DLAT: variants seen among roughly 807,000 people sequenced by gnomAD.
DLAT encodes the protein dihydrolipoyllysine-residue acetyltransferase component of pyruvate dehydrogenase complex, mitochondrial.
In DLAT, 43 loss-of-function variants were observed where a neutral mutation model predicts 68.0. The observed-to-expected ratio is 0.63, with a 90% CI of 0.50 to 0.81. The LOEUF (loss-of-function observed/expected upper bound fraction) is 0.81, where lower values mean the gene tolerates loss of function less well. Among genes scored for constraint, DLAT ranks in the 40% least tolerant of loss-of-function variants. DLAT has a pLI of 0.00. For synonymous variants in DLAT, 265 were observed against 288.6 expected (o/e 0.92, Z 0.83); for missense variants, 745 against 815.4 (o/e 0.91, Z 1.05).
At chr11:112,043,634 T>C in intron 8 of DLAT, 101 bp downstream of exon 8, 1 of 1,104,810 alleles carries the variant, frequency 9.1e-7, no homozygotes, top group Non-Finnish European at 1.4e-6. Context: ...ACCAAGATTG[T>C]TTTCTTCTAA....
Position 112,027,043 on chromosome 11 carries a change from A to AC in DLAT, c.381+749dup, listed in dbSNP as rs1457756720. On this transcript the variant is annotated intron_variant, in intron 2 of 13. Coordinates refer to ENST00000280346, the MANE Select transcript of DLAT (RefSeq NM_001931.5). ...GGGGCGGCTGGCCTGGCGGGGGCTG[A>AC]CCCCCACCTCCCTCCCGGACGGGGT... Among the ~76,000 whole-genome samples, 12 of 138,016 alleles carry AC rather than the reference A, an allele frequency of 8.7e-5. 1 individual carries two copies. The South Asian group carries it at 1.9e-3, about 21-fold the overall frequency. The allele number at this position is 138,016 out of a possible 152,430, so 90.5% of individuals were successfully genotyped here. A position where few individuals can be genotyped will look rare whatever the true frequency, so the allele number is the denominator to read the frequency against.
chr11:112,060,916 C>G, intron 12 of DLAT, 122 bp from the exon 13 acceptor site: 2 of 777,630 alleles, frequency 2.6e-6, no homozygotes. Context: ...AATGTGTATT[C>G]CATTCAGGCC....
intron 1 of DLAT, 53 bp downstream of exon 1, chr11:112,025,804 G>T: frequency 6.2e-7 from 1 of 1,605,990 alleles, no homozygotes; most frequent in Non-Finnish European, 8.5e-7. Context: ...GAGCTGACTG[G>T]ATGCCTGCAA....
rs149883921 is a variant in DLAT, at chr11:112,063,417, A to C, written c.*882A>C. ...CCACTGTGGAAAATGCTATCAAATA[A>C]CTAAGGAATATATATGGAATAAGTG... On this transcript the variant is annotated 3_prime_UTR_variant, in exon 14 of 14. Coordinates refer to ENST00000280346, the MANE Select transcript of DLAT (RefSeq NM_001931.5). The C allele has an allele frequency of 6.5e-6, 1 of 152,716 alleles. No individual in the cohort carries two copies. The highest frequency in any genetic ancestry group is 2.4e-5 in the African/African-American group (1 of 41,588). The allele number at this position is 152,716 out of a possible 1,614,324, so 9.5% of individuals were successfully genotyped here.
At chr11:112,061,427 G>A (rs1864616989) in intron 13 of DLAT, 1 of 437,608 alleles carries the variant, frequency 2.3e-6, no homozygotes, top group Non-Finnish European at 4.1e-6. Flanking sequence ...GTAGTGCCCG[G>A]TGTGCAGCAA....
In DLAT at chr11:112,039,399, TA is replaced by T. The variant is rs782566151; in HGVS notation, c.1129+5del. On this transcript the variant is annotated splice_donor_region_variant and intron_variant, in intron 7 of 13. Transcript: ENST00000280346. Reference sequence around the variant, plus strand: ...GGATTGATCTTACACAAGTAAAAGGTAAATCTGTTTCTATAGAATGGACTTT... The same window carrying T: ...GGATTGATCTTACACAAGTAAAAGGTAATCTGTTTCTATAGAATGGACTTT... 6.2e-7 allele frequency: 1 copy of T among 1,613,846 alleles called. No homozygotes were observed. Among genetic ancestry groups the T allele is most frequent in the African/African-American group, 1.3e-5 (1 of 74,940 alleles).
intron 4 of DLAT, 48 bp from the exon 5 acceptor site, chr11:112,033,356 G>A (rs1366517702): frequency 6.2e-7 from 1 of 1,602,606 alleles, no homozygotes. Flanking sequence ...CTTTTATTAT[G>A]TAGAAGTCTT....
chr11:112,044,861 C>T (rs1213809801), intron 8 of DLAT, among the ~76,000 whole-genome samples: 2 of 151,968 alleles, frequency 1.3e-5, no homozygotes, highest in Non-Finnish European at 2.9e-5. Flanking sequence ...GGCTAATTTC[C>T]GTCTCTACTA....
chr11:112,028,140 C>A (rs74501988), intron 2 of DLAT, among the ~76,000 whole-genome samples: 1 of 152,116 alleles, frequency 6.6e-6, no homozygotes, highest in African/African-American at 2.4e-5. Context: ...TTAACCAAGG[C>A]GTTTCTAAAG....
At chr11:112,043,172 A>G (rs1185000358) in intron 7 of DLAT, among the ~76,000 whole-genome samples, 6 of 152,244 alleles carry the variant, frequency 3.9e-5, no homozygotes, top group African/African-American at 1.4e-4. Context: ...AAAAAAATTA[A>G]GTACAACTTG....
At chr11:112,047,766 G>T (rs1476798055) in intron 10 of DLAT, among the ~76,000 whole-genome samples, 2 of 152,176 alleles carry the variant, frequency 1.3e-5, no homozygotes, top group African/African-American at 2.4e-5. Flanking sequence ...TCAAAAATCA[G>T]ATGGTTGTAA....
chr11:112,034,627 A>G (rs1225735073), intron 5 of DLAT, among the ~76,000 whole-genome samples: 3 of 151,014 alleles, frequency 2.0e-5, no homozygotes, highest in African/African-American at 7.3e-5. Context: ...TATTTTTAGT[A>G]GAGATGGGGT....
At chr11:112,025,783 G>C in intron 1 of DLAT, 32 bp downstream of exon 1, 1 of 1,611,798 alleles carries the variant, frequency 6.2e-7, no homozygotes, top group South Asian at 1.1e-5. Flanking sequence ...TCGGGACCCC[G>C]TTGTCCTTCA....
Position 112,064,093 on chromosome 11 carries a change from G to T in DLAT, c.*1558G>T. 8.1e-7 allele frequency: 1 copy of T among 1,229,792 alleles called. No individual in the cohort carries two copies. Among genetic ancestry groups the T allele is most frequent in the Non-Finnish European group, 1.1e-6 (1 of 896,168 alleles). The allele number at this position is 1,229,792 out of a possible 1,614,324, so 76.2% of individuals were successfully genotyped here. On this transcript the variant is annotated 3_prime_UTR_variant, in exon 14 of 14. Transcript: ENST00000280346. ...ATTTTTCAGTAATTAGTAATTTTAGGTTGAAGATTATCCAAAAGAAACAAG... is the reference window on the plus strand; with the variant it reads ...ATTTTTCAGTAATTAGTAATTTTAGTTTGAAGATTATCCAAAAGAAACAAG...
chr11:112,032,840 C>T (rs782517182), intron 4 of DLAT, among the ~76,000 whole-genome samples: 11 of 152,066 alleles, frequency 7.2e-5, no homozygotes, highest in South Asian at 2.1e-4. Context: ...CCAGGGCGGG[C>T]GGATTACTTG....
chr11:112,044,601 G>T (rs1863212720), intron 8 of DLAT, among the ~76,000 whole-genome samples: 1 of 151,924 alleles, frequency 6.6e-6, no homozygotes, highest in Non-Finnish European at 1.5e-5. Context: ...GACACAAACT[G>T]GTCATTGAAC....
At chr11:112,040,923 TAAAA>T (rs60065215) in intron 7 of DLAT, among the ~76,000 whole-genome samples, 1 of 144,098 alleles carries the variant, frequency 6.9e-6, no homozygotes, top group Non-Finnish European at 1.5e-5. Context: ...AGAGGAGTGT[TAAAA>T]AAAAAAAAGA....
chr11:112,062,545 GA>G lies in DLAT; in HGVS notation c.*12del. 6.2e-7 allele frequency: 1 copy of G among 1,612,012 alleles called. No individual in the cohort carries two copies. Among genetic ancestry groups the G allele is most frequent in the Non-Finnish European group, 8.5e-7 (1 of 1,179,862 alleles). ...CACTATGTTGTTGTAACTAACTCAA[GA>G]ATTTCTAAACTCTCCCAGGTCACAC... is the stretch of plus-strand genomic sequence containing the variant. On this transcript the variant is annotated 3_prime_UTR_variant, in exon 14 of 14. Coordinates refer to ENST00000280346, the MANE Select transcript of DLAT (RefSeq NM_001931.5).
At chr11:112,037,192 A>G in intron 5 of DLAT, 81 bp from the exon 6 acceptor site, 1 of 1,373,684 alleles carries the variant, frequency 7.3e-7, no homozygotes, top group Non-Finnish European at 1.0e-6. Flanking sequence ...GAGAAAAATC[A>G]CTTTACTTAA....
Sources: gnomAD v4.1 joint callset for allele counts (sites outside exome capture counted in the v4.1 genomes callset) on GRCh38, gnomAD v4.1.1 for gene constraint, MANE v1.5 for transcripts, NCBI Gene and HGNC (gene_info 2026-07-23, HGNC 2026-07-21) for gene names.